The following SBF2 variants were observed in gnomAD, a reference collection of about 807,000 sequenced individuals.
The protein encoded by SBF2 is myotubularin-related protein 13.
Under a neutral mutation model 225.2 loss-of-function variants are expected in SBF2, and 112 were observed. That is an observed-to-expected ratio of 0.50 (90% confidence interval 0.43 to 0.58). The LOEUF (loss-of-function observed/expected upper bound fraction) is 0.58, where lower values mean the gene tolerates loss of function less well. SBF2 is among the 20% of genes least tolerant of loss of function. The pLI, the probability that SBF2 is intolerant of heterozygous loss-of-function variation, is 0.00. For missense variants in SBF2, 1,996 were observed against 2,206.2 expected (o/e 0.90, Z 1.91); for synonymous variants, 763 against 773.3 (o/e 0.99, Z 0.22).
At chr11:10,071,265 CTTTTTTTT>C (rs945479458) in intron 2 of SBF2, among the ~76,000 whole-genome samples, 1 of 103,070 alleles carries the variant, frequency 9.7e-6, no homozygotes, top group East Asian at 2.6e-4. Context: ...CTCTCTCTCT[CTTTTTTTT>C]TTTTTTTTTT....
At chr11:9,892,855 G>A (rs1398061117) in intron 17 of SBF2, among the ~76,000 whole-genome samples, 1 of 147,440 alleles carries the variant, frequency 6.8e-6, no homozygotes, top group Non-Finnish European at 1.5e-5. Context: ...CACCGTACCC[G>A]GTATATACAT....
At chr11:10,139,394 G>A (rs1041467788) in intron 2 of SBF2, among the ~76,000 whole-genome samples, 2 of 152,120 alleles carry the variant, frequency 1.3e-5, no homozygotes, top group African/African-American at 2.4e-5. Flanking sequence ...CTTCATCTGT[G>A]ATGTCAAAGA....
At chr11:9,996,478 C>A (rs1234682864) in intron 9 of SBF2, among the ~76,000 whole-genome samples, 1 of 152,222 alleles carries the variant, frequency 6.6e-6, no homozygotes. Flanking sequence ...CAACCTCCGC[C>A]TCCCAGGTTC....
At chr11:9,898,974 G>T (rs1861499303) in intron 16 of SBF2, among the ~76,000 whole-genome samples, 1 of 151,928 alleles carries the variant, frequency 6.6e-6, no homozygotes, top group Non-Finnish European at 1.5e-5. Flanking sequence ...AAGGAGAACT[G>T]GTGAGAATGG....
intron 16 of SBF2, among the ~76,000 whole-genome samples, chr11:9,933,134 T>C (rs1292523108): frequency 1.3e-5 from 2 of 152,076 alleles, no homozygotes; most frequent in East Asian, 3.9e-4. Context: ...ATGCACCCAA[T>C]ACAGGAGCAC....
intron 2 of SBF2, among the ~76,000 whole-genome samples, chr11:10,166,990 A>ACACACACACACACACACAC (rs1282714502): frequency 0.043 from 6,211 of 145,924 alleles, 235 homozygotes; most frequent in East Asian, 0.18. Context: ...CACACACACA[A>ACACACACACACACACACAC]AAAGGCTACT....
At chr11:9,853,481 T>C in intron 20 of SBF2, 59 bp downstream of exon 20, 1 of 1,474,372 alleles carries the variant, frequency 6.8e-7, no homozygotes, top group Non-Finnish European at 9.5e-7. Context: ...TGCCAGGTTT[T>C]ATGCTGAAAC....
At chr11:10,129,301 G>A (rs1004552492) in intron 2 of SBF2, among the ~76,000 whole-genome samples, 5 of 151,490 alleles carry the variant, frequency 3.3e-5, no homozygotes, top group Admixed American at 1.3e-4. Flanking sequence ...TCGGGGTTTC[G>A]TCCTGTTGGC....
chr11:10,187,524 C>A (rs1956979669), intron 2 of SBF2, among the ~76,000 whole-genome samples: 2 of 152,120 alleles, frequency 1.3e-5, no homozygotes, highest in African/African-American at 4.8e-5. Flanking sequence ...CTTTCTGCTC[C>A]AAAGGTGAAG....
At chr11:10,172,820 T>C (rs1021666158) in intron 2 of SBF2, among the ~76,000 whole-genome samples, 25 of 152,136 alleles carry the variant, frequency 1.6e-4, no homozygotes, top group African/African-American at 9.7e-5. Flanking sequence ...GCATGTGCCA[T>C]CATGCTTGGC....
chr11:10,294,060 G>C lies in SBF2; in HGVS notation c.10C>G (p.Leu4Val). 7.2e-7 allele frequency: 1 copy of C among 1,395,566 alleles called. No individual in the cohort carries two copies. The highest frequency in any genetic ancestry group is 9.4e-7 in the Non-Finnish European group (1 of 1,069,176). 86.4% of individuals were successfully genotyped at this position (1,395,566 alleles called of 1,614,324 possible). A position where few individuals can be genotyped will look rare whatever the true frequency, so the allele number is the denominator to read the frequency against. ...CCTACCACGATGAAGTAGTCAGCCA[G>C]CCGGGCCATGGCCGCCGCCGCCGCG... MAR[L>V]ADYFIVVGYD... is the part of the protein sequence containing the mutation. The change falls in exon 1 of 40, where the codon CTG becomes GTG. Residue 4 changes from leucine (L) to valine (V), a missense_variant. Physicochemically the swap from Leu to Val is conservative, Grantham distance 32. Coordinates refer to ENST00000256190, the MANE Select transcript of SBF2 (RefSeq NM_030962.4).
At chr11:10,270,994 CAAAAA>C (rs1180184303) in intron 1 of SBF2, among the ~76,000 whole-genome samples, 2 of 27,686 alleles carry the variant, frequency 7.2e-5, no homozygotes, top group Admixed American at 3.8e-4. Flanking sequence ...GACTCTGTCT[CAAAAA>C]AAAAAAAAAA....
chr11:10,074,854 T>C (rs1243743285), intron 2 of SBF2, among the ~76,000 whole-genome samples: 5 of 152,120 alleles, frequency 3.3e-5, no homozygotes, highest in Admixed American at 6.5e-5. Flanking sequence ...AAATACAATT[T>C]GCTAAATATA....
intron 28 of SBF2, 70 bp from the exon 29 acceptor site, chr11:9,817,094 G>A: frequency 6.5e-7 from 1 of 1,533,984 alleles, no homozygotes; most frequent in Non-Finnish European, 9.0e-7. Flanking sequence ...GGAAAAAGGT[G>A]CATGCTCTGG....
chr11:10,159,625 G>A (rs560685463), intron 2 of SBF2, among the ~76,000 whole-genome samples: 2 of 152,174 alleles, frequency 1.3e-5, no homozygotes, highest in South Asian at 2.1e-4. Context: ...CCCCTTGGCC[G>A]GGCATGGTGG....
At chr11:9,916,624 G>C (rs899761033) in intron 16 of SBF2, among the ~76,000 whole-genome samples, 2 of 149,490 alleles carry the variant, frequency 1.3e-5, no homozygotes, top group African/African-American at 4.9e-5. Flanking sequence ...TTGAGACAGG[G>C]TCTTGCTCTG....
At chr11:9,858,792 C>T (rs777585165) in intron 17 of SBF2, among the ~76,000 whole-genome samples, 26 of 152,272 alleles carry the variant, frequency 1.7e-4, no homozygotes, top group Non-Finnish European at 3.4e-4. Flanking sequence ...CTTTAGGGTA[C>T]TCTTTTTAAA....
intron 30 of SBF2, chr11:9,810,963 T>C (rs564299505): frequency 6.6e-6 from 1 of 152,348 alleles, no homozygotes; most frequent in South Asian, 2.1e-4. Flanking sequence ...AGTCAACCTA[T>C]ATGCCCATCA....
intron 17 of SBF2, among the ~76,000 whole-genome samples, chr11:9,875,132 A>G (rs1859112611): frequency 6.6e-6 from 1 of 152,238 alleles, no homozygotes; most frequent in African/African-American, 2.4e-5. Context: ...TTATCTATCA[A>G]ATCATATAGA....
Sources: gnomAD v4.1 joint callset for allele counts (sites outside exome capture counted in the v4.1 genomes callset) on GRCh38, gnomAD v4.1.1 for gene constraint, MANE v1.5 for transcripts, NCBI Gene and HGNC (gene_info 2026-07-23, HGNC 2026-07-21) for gene names.